Variants in SPSB1 observed in about 807,000 individuals in gnomAD.
The protein encoded by SPSB1 is SPRY domain-containing SOCS box protein 1.
In SPSB1, 8 loss-of-function variants were observed where a neutral mutation model predicts 21.2. That is an observed-to-expected ratio of 0.38 (90% CI 0.22 to 0.68). SPSB1 has a LOEUF of 0.68. Among genes scored for constraint, SPSB1 ranks in the 30% least tolerant of loss-of-function variants. The pLI is 0.53. For synonymous variants in SPSB1, 169 were observed against 161.7 expected (o/e 1.05, Z -0.34); for missense variants, 242 against 377.8 (o/e 0.64, Z 2.98).
At chr1:9,323,749 C>T (rs1349177256) in intron 1 of SPSB1, among the ~76,000 whole-genome samples, 1 of 152,202 alleles carries the variant, frequency 6.6e-6, no homozygotes, top group African/African-American at 2.4e-5. Flanking sequence ...GCTGGTCCTA[C>T]AGGCCTCAGT....
At position 9,363,949 on chromosome 1, in the gene SPSB1, C is replaced by G. The variant is rs1016013294; in HGVS notation, c.695-3499C>G. ...CTCCTGACCTCAGGTGATCACCCAC[C>G]TCGGCCTCCCAAAGTGCTGGGATTA... On this transcript the variant is annotated intron_variant, in intron 2 of 2. Coordinates refer to ENST00000328089, the MANE Select transcript of SPSB1 (RefSeq NM_025106.4). This position sits in a 1 kb window ranked among gnomAD's most constrained non-coding sequence, Gnocchi z 4.5. Among the ~76,000 whole-genome samples the G allele has an allele frequency of 2.6e-5, 4 of 152,226 alleles. No homozygotes were observed. Among genetic ancestry groups the G allele is most frequent in the African/African-American group, 9.6e-5 (4 of 41,470 alleles).
chr1:9,314,467 C>T (rs970724775), intron 1 of SPSB1, among the ~76,000 whole-genome samples: 3 of 105,016 alleles, frequency 2.9e-5, no homozygotes, highest in Admixed American at 1.0e-4. Flanking sequence ...CCACCTTCTG[C>T]GGACCCAGAG....
chr1:9,296,640 G>A (rs1421315259), intron 1 of SPSB1, among the ~76,000 whole-genome samples: 5 of 95,174 alleles, frequency 5.3e-5, no homozygotes, highest in Admixed American at 1.1e-4. Flanking sequence ...ACACACACAC[G>A]CTGGATTATT....
chr1:9,313,997 G>A (rs1387218784), intron 1 of SPSB1, among the ~76,000 whole-genome samples: 1 of 152,156 alleles, frequency 6.6e-6, no homozygotes, highest in Non-Finnish European at 1.5e-5. Flanking sequence ...CCAACATGGT[G>A]AAATCCCTTT....
At chr1:9,300,892 G>C (rs1639317445) in intron 1 of SPSB1, among the ~76,000 whole-genome samples, 1 of 152,238 alleles carries the variant, frequency 6.6e-6, no homozygotes, top group Non-Finnish European at 1.5e-5. Context: ...GACAGTGGAA[G>C]AGAAGACTTA....
chr1:9,325,385 G>A (rs1481926512), intron 1 of SPSB1, among the ~76,000 whole-genome samples: 1 of 152,212 alleles, frequency 6.6e-6, no homozygotes, highest in East Asian at 1.9e-4. Context: ...GGCCTGGAAG[G>A]CAGACCTGGG....
intron 1 of SPSB1, among the ~76,000 whole-genome samples, chr1:9,332,888 C>T (rs1354275904): frequency 1.3e-5 from 2 of 152,118 alleles, no homozygotes; most frequent in African/African-American, 2.4e-5. Context: ...AGCCTGAGTG[C>T]GTAGAGGGTG....
At chr1:9,331,492 G>A (rs570541447) in intron 1 of SPSB1, among the ~76,000 whole-genome samples, 38 of 151,912 alleles carry the variant, frequency 2.5e-4, no homozygotes, top group Non-Finnish European at 4.3e-4. Flanking sequence ...CACCATGCCC[G>A]ACTAATTTTT....
rs554530633 is a variant in SPSB1 at position 9,327,391 on chromosome 1, A to G, written c.-149-28352A>G. Among the ~76,000 whole-genome samples, 3 of 152,326 alleles carry G rather than the reference A, an allele frequency of 2.0e-5. No individual in the cohort carries two copies. In the East Asian group the frequency reaches 5.8e-4, roughly 29 times the overall value. On this transcript the variant is annotated intron_variant, in intron 1 of 2. Transcript: ENST00000328089. Reference sequence around the variant, plus strand: ...AAGTCGATCGCCAGGCAAGCGCATAACTAAAACAGGATAGTAGCTGCTGGA... The same window carrying G: ...AAGTCGATCGCCAGGCAAGCGCATAGCTAAAACAGGATAGTAGCTGCTGGA...
At chr1:9,322,832 G>A (rs952582572) in intron 1 of SPSB1, among the ~76,000 whole-genome samples, 6 of 151,890 alleles carry the variant, frequency 4.0e-5, no homozygotes, top group East Asian at 1.9e-4. Context: ...GTAGGGAAGC[G>A]CTGCGTTAGG....
intron 1 of SPSB1, among the ~76,000 whole-genome samples, chr1:9,322,836 C>T (rs1261629143): frequency 6.6e-6 from 1 of 151,810 alleles, no homozygotes; most frequent in Non-Finnish European, 1.5e-5. Flanking sequence ...GGAAGCGCTG[C>T]GTTAGGTCAC....
At chr1:9,304,948 C>T (rs1338621943) in intron 1 of SPSB1, among the ~76,000 whole-genome samples, 2 of 152,172 alleles carry the variant, frequency 1.3e-5, no homozygotes, top group Non-Finnish European at 2.9e-5. Flanking sequence ...GCATGAGCCA[C>T]AGCGCTCACC....
At chr1:9,329,244 G>A (rs1639874294) in intron 1 of SPSB1, among the ~76,000 whole-genome samples, 3 of 152,162 alleles carry the variant, frequency 2.0e-5, no homozygotes, top group Non-Finnish European at 4.4e-5. Context: ...TGGGTGGGGG[G>A]AAATGCAGCT....
chr1:9,354,793 T>C (rs897942899), intron 1 of SPSB1, among the ~76,000 whole-genome samples: 2 of 143,906 alleles, frequency 1.4e-5, no homozygotes, highest in African/African-American at 2.6e-5. Flanking sequence ...AGAGCAAGAC[T>C]GCGTCTCAAA....
At chr1:9,322,453 C>T (rs551807474) in intron 1 of SPSB1, among the ~76,000 whole-genome samples, 28 of 152,318 alleles carry the variant, frequency 1.8e-4, no homozygotes, top group Non-Finnish European at 2.8e-4. Context: ...CCAAAAGGCG[C>T]CTGCTCACCT....
intron 1 of SPSB1, among the ~76,000 whole-genome samples, chr1:9,304,363 C>A (rs1349048211): frequency 6.6e-6 from 1 of 152,206 alleles, no homozygotes; most frequent in Non-Finnish European, 1.5e-5. Flanking sequence ...AACCGATGAG[C>A]CAGTTCCCCT....
At chr1:9,349,588 C>T (rs764029534) in intron 1 of SPSB1, among the ~76,000 whole-genome samples, 10 of 152,256 alleles carry the variant, frequency 6.6e-5, no homozygotes, top group Non-Finnish European at 1.3e-4. Context: ...GGCTTGCCTG[C>T]CTTCCTCAGG....
At chr1:9,312,797 A>G (rs913505626) in intron 1 of SPSB1, among the ~76,000 whole-genome samples, 3 of 152,104 alleles carry the variant, frequency 2.0e-5, no homozygotes, top group African/African-American at 7.2e-5. Flanking sequence ...CAAGTGGCGC[A>G]GTTTTGGAAG....
intron 1 of SPSB1, among the ~76,000 whole-genome samples, chr1:9,333,433 C>G (rs1196211365): frequency 2.0e-5 from 3 of 151,100 alleles, no homozygotes; most frequent in African/African-American, 7.3e-5. Flanking sequence ...CAGGTTCAGG[C>G]GATTCTTCTG....
Sources: gnomAD v4.1 joint callset for allele counts (sites outside exome capture counted in the v4.1 genomes callset) on GRCh38, gnomAD v4.1.1 for gene constraint, Gnocchi (gnomAD v3.1) non-coding constraint, MANE v1.5 for transcripts, NCBI Gene and HGNC (gene_info 2026-07-23, HGNC 2026-07-21) for gene names.